Variants in CDKAL1 observed in about 807,000 individuals in gnomAD.
CDKAL1 encodes the protein CDKAL1 threonylcarbamoyladenosine tRNA methylthiotransferase.
A neutral mutation model predicts 68.2 loss-of-function variants in CDKAL1; 32 were observed. The ratio of observed to expected loss-of-function variants is 0.47; its 90% CI spans 0.35 to 0.63. The LOEUF (loss-of-function observed/expected upper bound fraction) is 0.63, where lower values mean the gene tolerates loss of function less well. Ranked by LOEUF, CDKAL1 falls within the 30% of genes least tolerant of loss-of-function variation. The pLI is 0.00. For missense variants in CDKAL1, 606 were observed against 696.7 expected (o/e 0.87, Z 1.47); for synonymous variants, 234 against 244.3 (o/e 0.96, Z 0.39).
At chr6:20,964,863 G>C (rs1209928844) in intron 10 of CDKAL1, among the ~76,000 whole-genome samples, 1 of 152,054 alleles carries the variant, frequency 6.6e-6, no homozygotes, top group African/African-American at 2.4e-5. Context: ...TCTTGCCATT[G>C]ACCCAAATTA....
chr6:20,811,970 A>G (rs1372426912), intron 8 of CDKAL1, among the ~76,000 whole-genome samples: 1 of 152,160 alleles, frequency 6.6e-6, no homozygotes, highest in Non-Finnish European at 1.5e-5. Context: ...GTCATACGTA[A>G]TCAGGGTATA....
intron 4 of CDKAL1, among the ~76,000 whole-genome samples, chr6:20,643,954 A>G (rs1768310720): frequency 6.6e-6 from 1 of 151,896 alleles, no homozygotes. Context: ...CCTCCTGAGT[A>G]GCTGGGACTA....
At position 20,849,821 on chromosome 6, in the gene CDKAL1, A is replaced by G. The variant is rs537758415; in HGVS notation, c.742+3643A>G. ...TTCATTTTCTAAATTTGAGAAGTGC[A>G]AATTTATGCTACGGGCGGCCTTATA... On this transcript the variant is annotated intron_variant, in intron 9 of 15. Transcript: ENST00000274695. 1.2e-4 allele frequency among the ~76,000 whole-genome samples: 18 copies of G among 152,308 alleles called. No homozygotes were observed. In the East Asian group the frequency reaches 3.5e-3, roughly 29 times the overall value.
At chr6:21,185,371 T>G (rs555137695) in intron 13 of CDKAL1, among the ~76,000 whole-genome samples, 2 of 152,284 alleles carry the variant, frequency 1.3e-5, no homozygotes, top group South Asian at 4.1e-4. Flanking sequence ...CTAAGTAGAT[T>G]GATATGAAAA....
At chr6:20,849,598 A>G (rs1242119952) in intron 9 of CDKAL1, among the ~76,000 whole-genome samples, 1 of 152,028 alleles carries the variant, frequency 6.6e-6, no homozygotes, top group Non-Finnish European at 1.5e-5. Context: ...AAAAAAAAAA[A>G]AAACATTATG....
intron 11 of CDKAL1, among the ~76,000 whole-genome samples, chr6:21,006,697 T>C (rs1767746766): frequency 6.6e-6 from 1 of 152,222 alleles, no homozygotes; most frequent in Non-Finnish European, 1.5e-5. Flanking sequence ...ATATGCTAAA[T>C]AGATTATGAC....
chr6:20,881,612 C>A (rs931780777), intron 9 of CDKAL1, among the ~76,000 whole-genome samples: 10 of 152,090 alleles, frequency 6.6e-5, no homozygotes, highest in Non-Finnish European at 1.5e-4. Context: ...ATTCTTTGGG[C>A]TTTCTAGGTA....
At chr6:21,131,534 C>G (rs1728759587) in intron 13 of CDKAL1, among the ~76,000 whole-genome samples, 1 of 152,090 alleles carries the variant, frequency 6.6e-6, no homozygotes, top group South Asian at 2.1e-4. Context: ...AGAAAAGTCA[C>G]CATAGACAAG....
At chr6:20,921,196 C>T (rs1160426974) in intron 9 of CDKAL1, among the ~76,000 whole-genome samples, 13 of 152,062 alleles carry the variant, frequency 8.5e-5, no homozygotes, top group Admixed American at 6.6e-5. Context: ...TTTGGGAGGC[C>T]GAGGTGGGCG....
chr6:21,169,772 A>G (rs1378446069), intron 13 of CDKAL1, among the ~76,000 whole-genome samples: 1 of 152,166 alleles, frequency 6.6e-6, no homozygotes, highest in African/African-American at 2.4e-5. Flanking sequence ...ATGGCTGGGG[A>G]GGCCTCATAA....
At chr6:20,604,088 T>C (rs187966147) in intron 4 of CDKAL1, among the ~76,000 whole-genome samples, 19 of 152,248 alleles carry the variant, frequency 1.2e-4, no homozygotes, top group African/African-American at 4.3e-4. Flanking sequence ...TTGAGTGCCA[T>C]GTGAATGCCT....
chr6:21,185,337 C>T (rs1290689246), intron 13 of CDKAL1, among the ~76,000 whole-genome samples: 1 of 152,092 alleles, frequency 6.6e-6, no homozygotes, highest in Admixed American at 6.5e-5. Context: ...TCCTTTCTCT[C>T]ACCTTCCCAT....
intron 15 of CDKAL1, among the ~76,000 whole-genome samples, chr6:21,208,891 C>T (rs946777601): frequency 2.0e-5 from 3 of 152,144 alleles, no homozygotes; most frequent in East Asian, 3.9e-4. Context: ...CAATACCTTC[C>T]GTGTACCAAT....
At chr6:21,193,238 G>A (rs1338817611) in intron 13 of CDKAL1, among the ~76,000 whole-genome samples, 1 of 152,078 alleles carries the variant, frequency 6.6e-6, no homozygotes, top group East Asian at 1.9e-4. Flanking sequence ...CAAGTTGTTG[G>A]TTTAAGTACA....
chr6:20,669,239 A>G (rs1769696345), intron 5 of CDKAL1, among the ~76,000 whole-genome samples: 1 of 152,228 alleles, frequency 6.6e-6, no homozygotes, highest in Non-Finnish European at 1.5e-5. Context: ...ACCTGTAACA[A>G]TCAATACAAT....
At chr6:20,950,999 A>G (rs1205017181) in intron 9 of CDKAL1, among the ~76,000 whole-genome samples, 1 of 151,540 alleles carries the variant, frequency 6.6e-6, no homozygotes, top group Admixed American at 6.6e-5. Context: ...AAAAGAAAAG[A>G]TGGAGAGTGG....
intron 12 of CDKAL1, among the ~76,000 whole-genome samples, chr6:21,077,439 G>A (rs1489070896): frequency 6.6e-6 from 1 of 152,140 alleles, no homozygotes; most frequent in African/African-American, 2.4e-5. Flanking sequence ...GTTCATTCTT[G>A]CACTGCTATA....
intron 7 of CDKAL1, among the ~76,000 whole-genome samples, chr6:20,774,340 G>A (rs942724664): frequency 3.3e-5 from 5 of 152,214 alleles, no homozygotes; most frequent in Admixed American, 1.3e-4. Flanking sequence ...AGATTGGTTT[G>A]TGTGTAGGAG....
intron 12 of CDKAL1, among the ~76,000 whole-genome samples, chr6:21,078,210 A>G (rs1772180226): frequency 6.6e-6 from 1 of 152,198 alleles, no homozygotes; most frequent in Admixed American, 6.5e-5. Context: ...ACTATGGAAT[A>G]TTTTGATCTG....
Sources: gnomAD v4.1 joint callset for allele counts (sites outside exome capture counted in the v4.1 genomes callset) on GRCh38, gnomAD v4.1.1 for gene constraint, MANE v1.5 for transcripts, NCBI Gene and HGNC (gene_info 2026-07-23, HGNC 2026-07-21) for gene names.